Variants in PGGT1B observed in about 807,000 individuals in gnomAD.
PGGT1B encodes the protein protein geranylgeranyltransferase type I subunit beta, also known as geranylgeranyl transferase type-1 subunit beta.
In PGGT1B, 30 loss-of-function variants were observed where a neutral mutation model predicts 46.1. The observed-to-expected ratio is 0.65, with a 90% CI of 0.49 to 0.88. The LOEUF (loss-of-function observed/expected upper bound fraction) is 0.88. PGGT1B is among the 40% of genes least tolerant of loss of function. The pLI is 0.00. For missense variants in PGGT1B, 376 were observed against 455.9 expected (o/e 0.82, Z 1.60); for synonymous variants, 170 against 160.0 (o/e 1.06, Z -0.47).
chr5:115,257,206 A>G (rs1176047731), intron 1 of PGGT1B, among the ~76,000 whole-genome samples: 1 of 152,048 alleles, frequency 6.6e-6, no homozygotes, highest in Non-Finnish European at 1.5e-5. Flanking sequence ...CGCATACCCC[A>G]AAGATTAAAT....
At chr5:115,213,799 C>T (rs1481138385) in intron 8 of PGGT1B, among the ~76,000 whole-genome samples, 1 of 152,084 alleles carries the variant, frequency 6.6e-6, no homozygotes. Flanking sequence ...AAGTTCAACA[C>T]ATCTTACCAC....
intron 1 of PGGT1B, among the ~76,000 whole-genome samples, chr5:115,253,927 G>A (rs1253668615): frequency 2.0e-5 from 3 of 151,908 alleles, no homozygotes; most frequent in African/African-American, 7.2e-5. Flanking sequence ...TCTTACCGAT[G>A]GCTTTGAACA....
chr5:115,235,962 C>G (rs1757171191), intron 5 of PGGT1B, among the ~76,000 whole-genome samples: 1 of 152,008 alleles, frequency 6.6e-6, no homozygotes, highest in African/African-American at 2.4e-5. Flanking sequence ...CACAGTAGAG[C>G]AAAGGATAGT....
rs1757374805 is a variant in PGGT1B at position 115,242,401 on chromosome 5, T to G, written c.260-795A>C. Among the ~76,000 whole-genome samples, 3 of 152,042 alleles carry G rather than the reference T, an allele frequency of 2.0e-5. No individual in the cohort carries two copies. In the South Asian group the frequency reaches 6.2e-4, roughly 31 times the overall value. ...TATCAGCAGACTGTAAATGCACCGC[T>G]GATAAAAAAAAATCGAGTTGGTCTA... On this transcript the variant is annotated intron_variant, in intron 2 of 8. Coordinates refer to ENST00000419445, the MANE Select transcript of PGGT1B (RefSeq NM_005023.4).
intron 2 of PGGT1B, among the ~76,000 whole-genome samples, chr5:115,249,321 C>T (rs1229069568): frequency 1.3e-5 from 2 of 152,080 alleles, no homozygotes; most frequent in Non-Finnish European, 2.9e-5. Context: ...TTTCTTTTTT[C>T]TTCTCAGCAT....
rs1011497869 is a variant in PGGT1B at position 115,211,813 on chromosome 5, T to C, written c.*589A>G. The C allele has an allele frequency of 1.3e-5, 2 of 152,500 alleles. No individual in the cohort carries two copies. Among genetic ancestry groups the C allele is most frequent in the African/African-American group, 2.4e-5 (1 of 41,446 alleles). The allele number at this position is 152,500 out of a possible 1,614,324, so 9.4% of individuals were successfully genotyped here. A position where few individuals can be genotyped will look rare whatever the true frequency, so the allele number is the denominator to read the frequency against. The stretch of plus-strand genomic sequence containing the variant: ...AAAACTATCACATTAGTTAAACCTA[T>C]TTATTCTTACTATGAAGTTATTAAC... On this transcript the variant is annotated 3_prime_UTR_variant, in exon 9 of 9. Coordinates refer to ENST00000419445, the MANE Select transcript of PGGT1B (RefSeq NM_005023.4).
intron 8 of PGGT1B, among the ~76,000 whole-genome samples, chr5:115,216,057 A>T (rs963352121): frequency 1.3e-5 from 2 of 152,154 alleles, no homozygotes; most frequent in Admixed American, 1.3e-4. Flanking sequence ...TGCCATTTAT[A>T]TTGTCTGAAT....
intron 8 of PGGT1B, among the ~76,000 whole-genome samples, chr5:115,216,114 T>C (rs1441167258): frequency 2.0e-5 from 3 of 152,224 alleles, no homozygotes; most frequent in East Asian, 1.9e-4. Context: ...GAAACACATA[T>C]ATTCAGGATT....
In PGGT1B at chr5:115,262,870, T is replaced by C. The variant is rs769273226; in HGVS notation, c.-19A>G. The C allele has an allele frequency of 1.1e-5, 17 of 1,611,028 alleles. No homozygotes were observed. In the South Asian group the frequency reaches 1.8e-4, roughly 17 times the overall value. On this transcript the variant is annotated 5_prime_UTR_variant, in exon 1 of 9. Transcript: ENST00000419445. ...CCGCCATGCTGCTCCGGAAGCGACGTCCGCCGCGACCCGGAATCAGTGCCC... is the reference window on the plus strand; with the variant it reads ...CCGCCATGCTGCTCCGGAAGCGACGCCCGCCGCGACCCGGAATCAGTGCCC...
intron 6 of PGGT1B, among the ~76,000 whole-genome samples, chr5:115,223,634 T>G (rs1183583576): frequency 6.6e-6 from 1 of 152,190 alleles, no homozygotes; most frequent in African/African-American, 2.4e-5. Context: ...TAGTTACAGA[T>G]GTACAGCTCT....
intron 7 of PGGT1B, among the ~76,000 whole-genome samples, chr5:115,217,773 T>C (rs762419742): frequency 9.2e-5 from 14 of 152,144 alleles, no homozygotes; most frequent in Non-Finnish European, 1.6e-4. Flanking sequence ...GAAACAAATT[T>C]ATTCATTTAC....
At chr5:115,249,947 T>C (rs1468517670) in intron 2 of PGGT1B, among the ~76,000 whole-genome samples, 1 of 152,218 alleles carries the variant, frequency 6.6e-6, no homozygotes, top group African/African-American at 2.4e-5. Context: ...CATCTTTTTA[T>C]GTATCTGTAC....
At chr5:115,222,639 G>A (rs1367269958) in intron 6 of PGGT1B, among the ~76,000 whole-genome samples, 4 of 152,118 alleles carry the variant, frequency 2.6e-5, no homozygotes, top group South Asian at 2.1e-4. Flanking sequence ...ATACCCAAAG[G>A]ATTATAAATC....
intron 7 of PGGT1B, among the ~76,000 whole-genome samples, chr5:115,219,835 C>T (rs1485198886): frequency 6.6e-6 from 1 of 151,644 alleles, no homozygotes; most frequent in South Asian, 2.1e-4. Context: ...CACAGAAAGA[C>T]ACTCAATATC....
At chr5:115,248,718 C>G (rs1337044939) in intron 2 of PGGT1B, among the ~76,000 whole-genome samples, 1 of 152,134 alleles carries the variant, frequency 6.6e-6, no homozygotes, top group Non-Finnish European at 1.5e-5. Flanking sequence ...AACAGTAAAA[C>G]AACATTGAAA....
chr5:115,213,186 A>T (rs1346563735), intron 8 of PGGT1B, among the ~76,000 whole-genome samples: 1 of 152,206 alleles, frequency 6.6e-6, no homozygotes, highest in Non-Finnish European at 1.5e-5. Context: ...AAAATATCTG[A>T]TCTGACAATA....
At chr5:115,258,442 C>T (rs3805580) in intron 1 of PGGT1B, among the ~76,000 whole-genome samples, 56,283 of 151,846 alleles carry the variant, frequency 0.37, 11,121 homozygotes, top group East Asian at 0.49. Context: ...CTATTCCTGT[C>T]ACTTACATGA....
intron 6 of PGGT1B, among the ~76,000 whole-genome samples, chr5:115,224,175 C>G (rs1756684063): frequency 6.6e-6 from 1 of 152,090 alleles, no homozygotes; most frequent in South Asian, 2.1e-4. Flanking sequence ...ATCTTATTTC[C>G]TTTTCAAATG....
chr5:115,260,994 T>A (rs1748533589), intron 1 of PGGT1B, among the ~76,000 whole-genome samples: 1 of 152,216 alleles, frequency 6.6e-6, no homozygotes, highest in South Asian at 2.1e-4. Context: ...TTCAACTGTT[T>A]AACAATCACA....
Sources: allele counts gnomAD v4.1 joint callset (sites outside exome capture counted in the v4.1 genomes callset), GRCh38; gene constraint gnomAD v4.1.1; transcripts MANE v1.5; gene names NCBI Gene and HGNC (gene_info 2026-07-23, HGNC 2026-07-21).